LRP1B: variants seen among roughly 807,000 people sequenced by gnomAD.
LRP1B encodes the protein LDL receptor related protein 1B, also known as low-density lipoprotein receptor-related protein 1B.
LRP1B carries 217 observed loss-of-function variants against 556.6 expected under a neutral mutation model. That is an observed-to-expected ratio of 0.39 (90% CI 0.35 to 0.44). LRP1B has a LOEUF of 0.44. Among genes scored for constraint, LRP1B ranks in the 20% least tolerant of loss-of-function variants. The probability of loss-of-function intolerance (pLI) is 1.00; values close to 1 mark genes in which losing one functional copy is unlikely to be tolerated. For synonymous variants in LRP1B, 2,047 were observed against 1,865.8 expected (o/e 1.10, Z -2.50); for missense variants, 5,053 against 5,620.8 (o/e 0.90, Z 3.23).
intron 41 of LRP1B, among the ~76,000 whole-genome samples, chr2:140,649,676 T>C (rs2105317306): frequency 1.3e-5 from 2 of 152,364 alleles, no homozygotes; most frequent in African/African-American, 4.8e-5. Flanking sequence ...ATAGTTTGGA[T>C]GCTTGCCTGT....
At chr2:141,927,903 CAAAAAAAA>C (rs5834879) in intron 1 of LRP1B, among the ~76,000 whole-genome samples, 25 of 111,186 alleles carry the variant, frequency 2.2e-4, no homozygotes, top group African/African-American at 7.9e-4. Flanking sequence ...CTTGGCTTTA[CAAAAAAAA>C]AAAAAAAAAG....
chr2:141,056,699 T>C (rs1323144374), intron 9 of LRP1B, among the ~76,000 whole-genome samples: 1 of 151,888 alleles, frequency 6.6e-6, no homozygotes, highest in South Asian at 2.1e-4. Context: ...TATTTCTCCA[T>C]TTGTGATTAC....
chr2:140,938,562 AAGTT>A (rs1240334775), intron 20 of LRP1B, among the ~76,000 whole-genome samples: 4 of 152,066 alleles, frequency 2.6e-5, no homozygotes, highest in African/African-American at 7.2e-5. Flanking sequence ...AGTTCACAGA[AAGTT>A]AGGGGAAAAA....
chr2:141,172,974 G>T (rs191665833), intron 7 of LRP1B, among the ~76,000 whole-genome samples: 1 of 151,498 alleles, frequency 6.6e-6, no homozygotes, highest in Admixed American at 6.6e-5. Flanking sequence ...TATTTATTGG[G>T]ATGTGACTAA....
At chr2:141,886,214 A>G (rs928699107) in intron 1 of LRP1B, among the ~76,000 whole-genome samples, 1 of 152,160 alleles carries the variant, frequency 6.6e-6, no homozygotes, top group Non-Finnish European at 1.5e-5. Context: ...AGGAATGTAA[A>G]GGTTAAGTGG....
intron 66 of LRP1B, among the ~76,000 whole-genome samples, chr2:140,428,278 CAT>C (rs1191474584): frequency 6.6e-6 from 1 of 152,190 alleles, no homozygotes; most frequent in Non-Finnish European, 1.5e-5. Flanking sequence ...CAAGTAGCAA[CAT>C]ATTTCTGAGT....
chr2:141,918,764 C>T (rs1025633452), intron 1 of LRP1B, among the ~76,000 whole-genome samples: 3 of 152,132 alleles, frequency 2.0e-5, no homozygotes, highest in African/African-American at 4.8e-5. Context: ...ATACTACTTA[C>T]TTATTACCTA....
Position 140,910,765 on chromosome 2 carries a change from T to A in LRP1B, c.3320-2688A>T, listed in dbSNP as rs78493087. On this transcript the variant is annotated intron_variant, in intron 21 of 90. Coordinates refer to ENST00000389484, the MANE Select transcript of LRP1B (RefSeq NM_018557.3). ...TTGACATCCTTCCTACTCTATTAGA[T>A]AAAGATCAAAAAGTTGGATAGTACA... Among the ~76,000 whole-genome samples, 12 of 151,852 alleles carry A rather than the reference T, an allele frequency of 7.9e-5. No homozygotes were observed. The East Asian group carries it at 2.3e-3, about 29-fold the overall frequency.
intron 2 of LRP1B, among the ~76,000 whole-genome samples, chr2:141,530,245 T>A (rs1171816290): frequency 6.6e-6 from 1 of 152,146 alleles, no homozygotes. Context: ...GTTCATTCAT[T>A]AATAAAGTTA....
intron 2 of LRP1B, among the ~76,000 whole-genome samples, chr2:141,530,380 T>G (rs1056110432): frequency 6.6e-6 from 1 of 152,146 alleles, no homozygotes; most frequent in African/African-American, 2.4e-5. Context: ...AGGAGGGAAC[T>G]GTTCTTTTCA....
At chr2:141,177,548 G>A (rs1392758563) in intron 7 of LRP1B, among the ~76,000 whole-genome samples, 2 of 152,128 alleles carry the variant, frequency 1.3e-5, no homozygotes. Context: ...TATTGAACCT[G>A]CAGATTTAAA....
At chr2:140,981,303 A>G (rs1366808) in intron 18 of LRP1B, among the ~76,000 whole-genome samples, 49,487 of 150,632 alleles carry the variant, frequency 0.33, 8,537 homozygotes, top group East Asian at 0.57. Context: ...TTTTTCTACT[A>G]TTAAAAGTAT....
rs763085539 is a variant in LRP1B at position 141,810,410 on chromosome 2, G to A, written c.83-9C>T. On this transcript the variant is annotated splice_polypyrimidine_tract_variant and intron_variant, in intron 1 of 90. Transcript: ENST00000389484. Reference sequence around the variant, plus strand: ...ATCACACAACTGCTGATCTGAAAATGAAAATGTTTCGAAATAAAATATGAA... The same window carrying A: ...ATCACACAACTGCTGATCTGAAAATAAAAATGTTTCGAAATAAAATATGAA... The A allele has an allele frequency of 1.2e-6, 2 of 1,612,058 alleles. No homozygotes were observed. Among genetic ancestry groups the A allele is most frequent in the Admixed American group, 3.3e-5 (2 of 59,786 alleles).
At chr2:141,418,277 T>G (rs1679994217) in intron 3 of LRP1B, among the ~76,000 whole-genome samples, 2 of 152,170 alleles carry the variant, frequency 1.3e-5, no homozygotes, top group Admixed American at 1.3e-4. Flanking sequence ...TTTTGTTGCC[T>G]GTGCTTTTGG....
chr2:141,089,296 T>C (rs1027398473), intron 7 of LRP1B, among the ~76,000 whole-genome samples: 20 of 152,228 alleles, frequency 1.3e-4, no homozygotes, highest in Non-Finnish European at 2.8e-4. Flanking sequence ...CATTTTACTA[T>C]CAAATTCCAT....
intron 20 of LRP1B, among the ~76,000 whole-genome samples, chr2:140,946,351 G>A (rs1695547048): frequency 6.6e-6 from 1 of 152,154 alleles, no homozygotes; most frequent in Admixed American, 6.6e-5. Flanking sequence ...TGTAATCTCA[G>A]CACTTTGAGA....
At chr2:140,503,485 C>T (rs1472424885) in intron 53 of LRP1B, among the ~76,000 whole-genome samples, 1 of 152,028 alleles carries the variant, frequency 6.6e-6, no homozygotes, top group East Asian at 1.9e-4. Flanking sequence ...TAAACTGATT[C>T]TGAGCTATAA....
intron 2 of LRP1B, among the ~76,000 whole-genome samples, chr2:141,560,387 T>A (rs1327690962): frequency 6.6e-6 from 1 of 151,746 alleles, no homozygotes; most frequent in Non-Finnish European, 1.5e-5. Context: ...CTGGATTGCT[T>A]TTCCAATTTA....
chr2:141,392,337 T>A (rs1690081398), intron 3 of LRP1B, among the ~76,000 whole-genome samples: 1 of 151,782 alleles, frequency 6.6e-6, no homozygotes, highest in South Asian at 2.1e-4. Context: ...CTATTTTGAA[T>A]GAATTTTAGG....
Sources: gnomAD v4.1 joint callset for allele counts (sites outside exome capture counted in the v4.1 genomes callset) on GRCh38, gnomAD v4.1.1 for gene constraint, MANE v1.5 for transcripts, NCBI Gene and HGNC (gene_info 2026-07-23, HGNC 2026-07-21) for gene names.